The following MAPRE2 variants were observed in gnomAD, a reference collection of about 807,000 sequenced individuals.
The protein encoded by MAPRE2 is microtubule-associated protein RP/EB family member 2.
In MAPRE2, 13 loss-of-function variants were observed where a neutral mutation model predicts 43.2. The ratio of observed to expected loss-of-function variants is 0.30; its 90% CI spans 0.20 to 0.48. MAPRE2 has a LOEUF of 0.48. MAPRE2 is among the 20% of genes least tolerant of loss of function. The pLI is 0.99. For synonymous variants in MAPRE2, 135 were observed against 148.8 expected, an observed-to-expected ratio of 0.91 and a Z score of 0.68; for missense variants, 161 against 400.2, an observed-to-expected ratio of 0.40 and a Z score of 5.10.
chr18:35,016,409 AT>A (rs1250799560), intron 2 of MAPRE2, among the ~76,000 whole-genome samples: 1 of 152,022 alleles, frequency 6.6e-6, no homozygotes, highest in Non-Finnish European at 1.5e-5. Context: ...GGCTGAACTA[AT>A]TTACATTCCC....
chr18:35,026,398 C>G (rs534086485), intron 2 of MAPRE2, among the ~76,000 whole-genome samples: 26 of 152,264 alleles, frequency 1.7e-4, no homozygotes, highest in Admixed American at 8.5e-4. Context: ...TCTGTGCATG[C>G]CTCTGACCTG....
At chr18:34,985,103 T>C (rs1256148617) in intron 1 of MAPRE2, among the ~76,000 whole-genome samples, 1 of 88,084 alleles carries the variant, frequency 1.1e-5, no homozygotes, top group Non-Finnish European at 1.9e-5. Flanking sequence ...TTATATAATA[T>C]ATAAATATTA....
At chr18:34,997,221 T>G (rs762593606) in intron 1 of MAPRE2, among the ~76,000 whole-genome samples, 1 of 152,188 alleles carries the variant, frequency 6.6e-6, no homozygotes, top group Non-Finnish European at 1.5e-5. Context: ...TCAAGGGGAA[T>G]GAAAATTGGA....
chr18:34,999,732 T>C (rs1196568632), intron 1 of MAPRE2, among the ~76,000 whole-genome samples: 1 of 152,200 alleles, frequency 6.6e-6, no homozygotes, highest in Non-Finnish European at 1.5e-5. Flanking sequence ...AAGAATGAGT[T>C]GTACCAGACT....
chr18:35,030,744 C>G (rs987050139), intron 2 of MAPRE2, among the ~76,000 whole-genome samples: 3 of 151,836 alleles, frequency 2.0e-5, no homozygotes, highest in African/African-American at 7.3e-5. Context: ...TTACAACAGA[C>G]TTTAAAAGCC....
At chr18:34,996,974 C>A (rs1170295803) in intron 1 of MAPRE2, among the ~76,000 whole-genome samples, 3 of 152,144 alleles carry the variant, frequency 2.0e-5, no homozygotes, top group Non-Finnish European at 4.4e-5. Flanking sequence ...AAACAAGCTT[C>A]CTGAGCCTCA....
chr18:34,989,878 G>T (rs1486743601), intron 1 of MAPRE2, among the ~76,000 whole-genome samples: 1 of 152,118 alleles, frequency 6.6e-6, no homozygotes, highest in African/African-American at 2.4e-5. Flanking sequence ...ATTAATATTT[G>T]AGAAACATTG....
intron 4 of MAPRE2, among the ~76,000 whole-genome samples, chr18:35,124,910 A>G (rs1383045757): frequency 6.6e-6 from 1 of 152,130 alleles, no homozygotes; most frequent in Non-Finnish European, 1.5e-5. Flanking sequence ...GTAGTGTTCC[A>G]GGAGTGTTTT....
chr18:34,977,418 G>GGTTCTGA (rs1568957997), intron 1 of MAPRE2, among the ~76,000 whole-genome samples: 1 of 152,228 alleles, frequency 6.6e-6, no homozygotes, highest in Non-Finnish European at 1.5e-5. Context: ...GGGTGAGGCT[G>GGTTCTGA]GGGCTGTCCA....
chr18:34,999,879 C>T lies in MAPRE2; in HGVS notation c.-69-5613C>T, dbSNP rs138471975. ...GGGAAGTTGCACAGGAGAGGGGAGG[C>T]AGTCTGGGCCTCCCCTCTGCTGCCC... is the stretch of plus-strand genomic sequence containing the variant. On this transcript the variant is annotated intron_variant, in intron 1 of 7. Transcript: ENST00000413393. Among the ~76,000 whole-genome samples, 1,135 of 152,150 alleles carry T rather than the reference C, an allele frequency of 7.5e-3. 18 individuals carry two copies. Among genetic ancestry groups the T allele is most frequent in the African/African-American group, 0.026 (1,090 of 41,490 alleles).
intron 2 of MAPRE2, among the ~76,000 whole-genome samples, chr18:35,071,503 A>G (rs895983534): frequency 5.9e-5 from 9 of 152,188 alleles, no homozygotes; most frequent in African/African-American, 1.9e-4. Flanking sequence ...CAGTAAACAA[A>G]TAGATAAGAG....
chr18:35,099,241 G>A (rs896809511), intron 3 of MAPRE2, among the ~76,000 whole-genome samples: 5 of 152,154 alleles, frequency 3.3e-5, no homozygotes, highest in Non-Finnish European at 5.9e-5. Context: ...CCTCTAAAAA[G>A]TTGATTTCTA....
chr18:34,987,426 G>A (rs933083104), intron 1 of MAPRE2, among the ~76,000 whole-genome samples: 10 of 152,200 alleles, frequency 6.6e-5, no homozygotes, highest in South Asian at 4.1e-4. Flanking sequence ...AATCACATGC[G>A]TGTTGAAGTT....
intron 4 of MAPRE2, among the ~76,000 whole-genome samples, chr18:35,120,260 T>C (rs973439370): frequency 2.6e-5 from 4 of 151,996 alleles, no homozygotes; most frequent in African/African-American, 9.7e-5. Flanking sequence ...TGTGTGGAGC[T>C]GCCCCTAGCT....
intron 1 of MAPRE2, among the ~76,000 whole-genome samples, chr18:34,997,825 A>G (rs1213590461): frequency 6.6e-6 from 1 of 152,220 alleles, no homozygotes; most frequent in East Asian, 1.9e-4. Context: ...TCAAACAAAT[A>G]AACAATCAAA....
intron 4 of MAPRE2, among the ~76,000 whole-genome samples, chr18:35,111,486 T>C (rs1001386923): frequency 6.6e-6 from 1 of 152,236 alleles, no homozygotes; most frequent in African/African-American, 2.4e-5. Flanking sequence ...CAAATAATTT[T>C]GGGTTATGTC....
intron 1 of MAPRE2, among the ~76,000 whole-genome samples, chr18:35,053,330 G>T (rs1015836612): frequency 5.3e-5 from 8 of 152,060 alleles, no homozygotes; most frequent in Admixed American, 1.3e-4. Context: ...GGAGGTGAAG[G>T]TTGCAGTGAG....
At position 35,143,375 on chromosome 18, in the gene MAPRE2, G is replaced by A. The variant is rs957062463; in HGVS notation, c.*3006G>A. The A allele has an allele frequency of 3.3e-5, 5 of 151,748 alleles. No homozygotes were observed. Among genetic ancestry groups the A allele is most frequent in the Admixed American group, 3.3e-4 (5 of 15,248 alleles). The allele number at this position is 151,748 out of a possible 1,614,324, so 9.4% of individuals were successfully genotyped here. A position where few individuals can be genotyped will look rare whatever the true frequency, so the allele number is the denominator to read the frequency against. The stretch of plus-strand genomic sequence containing the variant: ...CATTTTACATTACCCACCTATTGTC[G>A]CATGGTAGAATAGTTTTTTGTCTCT... On this transcript the variant is annotated 3_prime_UTR_variant, in exon 7 of 7. Transcript: ENST00000300249.
At chr18:35,066,946 C>G (rs1251285795) in intron 1 of MAPRE2, among the ~76,000 whole-genome samples, 1 of 152,178 alleles carries the variant, frequency 6.6e-6, no homozygotes, top group Non-Finnish European at 1.5e-5. Flanking sequence ...ATATTGATTT[C>G]ATTGTTATTA....
Sources: allele counts gnomAD v4.1 joint callset (sites outside exome capture counted in the v4.1 genomes callset), GRCh38; gene constraint gnomAD v4.1.1; transcripts MANE v1.5; gene names NCBI Gene and HGNC (gene_info 2026-07-23, HGNC 2026-07-21).